The following ANKS1B variants were observed in gnomAD, a reference collection of about 807,000 sequenced individuals.
ANKS1B encodes ankyrin repeat and sterile alpha motif domain containing 1B, also known as ankyrin repeat and sterile alpha motif domain-containing protein 1B.
A neutral mutation model predicts 148.3 loss-of-function variants in ANKS1B; 36 were observed. The observed-to-expected ratio is 0.24, with a 90% confidence interval of 0.19 to 0.32. The LOEUF (loss-of-function observed/expected upper bound fraction) is 0.32. Among genes scored for constraint, ANKS1B ranks in the 10% least tolerant of loss-of-function variants. The pLI is 1.00. For synonymous variants in ANKS1B, 542 were observed against 560.8 expected, an observed-to-expected ratio of 0.97 and a Z score of 0.47; for missense variants, 1,157 against 1,542.6, an observed-to-expected ratio of 0.75 and a Z score of 4.19.
intron 1 of ANKS1B, among the ~76,000 whole-genome samples, chr12:99,866,403 C>T (rs1480621288): frequency 1.3e-5 from 2 of 152,068 alleles, no homozygotes; most frequent in East Asian, 3.9e-4. Context: ...GTTTACTTTT[C>T]CTACCTCATT....
intron 8 of ANKS1B, among the ~76,000 whole-genome samples, chr12:99,722,974 A>G (rs548187801): frequency 7.9e-5 from 12 of 152,340 alleles, no homozygotes; most frequent in African/African-American, 2.9e-4. Context: ...TGAGTGTGCC[A>G]TCCAGCCTGG....
In ANKS1B at chr12:99,775,524, AG is replaced by A. The variant is rs537607884; in HGVS notation, c.961+23del. 1.6e-5 allele frequency: 25 copies of A among 1,516,160 alleles called. No homozygotes were observed. In the South Asian group the frequency reaches 2.4e-4, roughly 14 times the overall value. 93.9% of individuals were successfully genotyped at this position (1,516,160 alleles called of 1,614,324 possible). On this transcript the variant is annotated intron_variant, in intron 7 of 26. Transcript: ENST00000683438. Reference sequence around the variant, plus strand: ...TACATACAAGTCTAGTATAGATTCCAGGGCTTTATAATTAGGTACTCACTTT... The same window carrying A: ...TACATACAAGTCTAGTATAGATTCCAGGCTTTATAATTAGGTACTCACTTT...
At chr12:99,054,806 C>T (rs1224129554) in intron 16 of ANKS1B, among the ~76,000 whole-genome samples, 1 of 152,204 alleles carries the variant, frequency 6.6e-6, no homozygotes, top group Non-Finnish European at 1.5e-5. Flanking sequence ...GGCTTCCTCC[C>T]AAAGTGCTGG....
At chr12:99,492,084 G>GA (rs1333762173) in intron 10 of ANKS1B, among the ~76,000 whole-genome samples, 2 of 151,934 alleles carry the variant, frequency 1.3e-5, no homozygotes, top group Non-Finnish European at 1.5e-5. Context: ...ATCAAGACAT[G>GA]AAAAACCGTT....
At chr12:99,499,666 T>A (rs2096637227) in intron 10 of ANKS1B, among the ~76,000 whole-genome samples, 1 of 152,038 alleles carries the variant, frequency 6.6e-6, no homozygotes, top group Admixed American at 6.6e-5. Context: ...ATGGCAGCGA[T>A]ATGAGTATGG....
At chr12:98,789,654 C>T (rs1212286445) in intron 22 of ANKS1B, among the ~76,000 whole-genome samples, 2 of 152,066 alleles carry the variant, frequency 1.3e-5, no homozygotes, top group Non-Finnish European at 2.9e-5. Context: ...ATCAAACCAA[C>T]TGCAAAAGAT....
At chr12:99,547,532 C>T (rs1567323525) in intron 9 of ANKS1B, among the ~76,000 whole-genome samples, 1 of 152,094 alleles carries the variant, frequency 6.6e-6, no homozygotes, top group Non-Finnish European at 1.5e-5. Flanking sequence ...ATAATATTGT[C>T]TGGGAGCTGA....
At chr12:99,113,552 C>A (rs2060724210) in intron 15 of ANKS1B, among the ~76,000 whole-genome samples, 1 of 152,186 alleles carries the variant, frequency 6.6e-6, no homozygotes, top group Non-Finnish European at 1.5e-5. Context: ...CGATTCAATT[C>A]CCCTTCCTGA....
Position 98,970,252 on chromosome 12 carries a change from GT to G in ANKS1B, c.2778+82904del, listed in dbSNP as rs946889925. 1.9e-4 allele frequency among the ~76,000 whole-genome samples: 29 copies of G among 152,108 alleles called. No individual in the cohort carries two copies. In the East Asian group the frequency reaches 5.2e-3, roughly 27 times the overall value. ...TTTGTTTCATTTGTTATATTTTCAT[GT>G]TTTTTATCCTGGTCCTTATTTTCCT... On this transcript the variant is annotated intron_variant, in intron 17 of 26. Transcript: ENST00000683438.
chr12:99,273,375 C>T (rs2077266537), intron 12 of ANKS1B, among the ~76,000 whole-genome samples: 3 of 152,098 alleles, frequency 2.0e-5, no homozygotes, highest in South Asian at 2.1e-4. Flanking sequence ...ATTGACAATT[C>T]GCACAATTAG....
At chr12:99,445,510 G>T (rs1053891891) in intron 10 of ANKS1B, among the ~76,000 whole-genome samples, 1 of 151,908 alleles carries the variant, frequency 6.6e-6, no homozygotes, top group African/African-American at 2.4e-5. Flanking sequence ...TAAACTTTGG[G>T]TGATAATGAT....
At chr12:99,107,842 A>G (rs989734462) in intron 15 of ANKS1B, among the ~76,000 whole-genome samples, 5 of 152,218 alleles carry the variant, frequency 3.3e-5, no homozygotes, top group African/African-American at 9.6e-5. Flanking sequence ...GATAACTAAC[A>G]CAGATATCTA....
At chr12:99,494,477 A>C (rs1446367015) in intron 10 of ANKS1B, among the ~76,000 whole-genome samples, 1 of 152,088 alleles carries the variant, frequency 6.6e-6, no homozygotes, top group Non-Finnish European at 1.5e-5. Context: ...GCAGTAAAAA[A>C]GGACAATTCA....
intron 8 of ANKS1B, among the ~76,000 whole-genome samples, chr12:99,722,945 C>G (rs191796930): frequency 2.6e-5 from 4 of 152,324 alleles, no homozygotes; most frequent in Non-Finnish European, 4.4e-5. Flanking sequence ...CCCACCCCCC[C>G]GCCAAGGGAG....
intron 15 of ANKS1B, among the ~76,000 whole-genome samples, chr12:99,138,902 CTTCT>C (rs910331597): frequency 7.2e-5 from 11 of 152,132 alleles, no homozygotes; most frequent in South Asian, 4.2e-4. Context: ...AGCTTGCTTT[CTTCT>C]TTCTTTGTCT....
At chr12:99,648,678 C>T (rs2098397392) in intron 9 of ANKS1B, 4 of 1,614,132 alleles carry the variant, frequency 2.5e-6, no homozygotes, top group Non-Finnish European at 3.4e-6. Flanking sequence ...ACTGGGAAAA[C>T]CTTGTTTACA....
chr12:99,517,887 GTTCC>G (rs2096837825), intron 9 of ANKS1B, among the ~76,000 whole-genome samples: 2 of 152,054 alleles, frequency 1.3e-5, no homozygotes, highest in African/African-American at 4.8e-5. Context: ...GTTAAGATAT[GTTCC>G]TTCTATACTC....
At chr12:99,975,731 C>A (rs964776485) in intron 1 of ANKS1B, among the ~76,000 whole-genome samples, 1 of 152,152 alleles carries the variant, frequency 6.6e-6, no homozygotes, top group African/African-American at 2.4e-5. Context: ...TTGTCAGATA[C>A]ACAGATTGCA....
chr12:99,551,019 C>T (rs954904823), intron 9 of ANKS1B, among the ~76,000 whole-genome samples: 3 of 152,170 alleles, frequency 2.0e-5, no homozygotes, highest in Non-Finnish European at 1.5e-5. Context: ...AAAACCCTGG[C>T]ATCCTACTAC....
Sources: gnomAD v4.1 joint callset for allele counts (sites outside exome capture counted in the v4.1 genomes callset) on GRCh38, gnomAD v4.1.1 for gene constraint, MANE v1.5 for transcripts, NCBI Gene and HGNC (gene_info 2026-07-23, HGNC 2026-07-21) for gene names.